The following ICE1 variants were observed in gnomAD, a reference collection of about 807,000 sequenced individuals.
ICE1 encodes the protein little elongation complex subunit 1.
Under a neutral mutation model 192.7 loss-of-function variants are expected in ICE1, and 64 were observed. The ratio of observed to expected loss-of-function variants is 0.33; its 90% CI spans 0.27 to 0.41. The LOEUF (loss-of-function observed/expected upper bound fraction) is 0.41. ICE1 is among the 10% of genes least tolerant of loss of function. The pLI is 1.00. For synonymous variants in ICE1, 1,010 were observed against 984.5 expected (o/e 1.03, Z -0.49); for missense variants, 2,708 against 2,696.0 (o/e 1.00, Z -0.10).
chr5:5,461,934 C>T lies in ICE1; in HGVS notation c.2600C>T (p.Pro867Leu), dbSNP rs1738799011. 1.9e-6 allele frequency: 3 copies of T among 1,613,764 alleles called. No individual in the cohort carries two copies. Among genetic ancestry groups the T allele is most frequent in the African/African-American group, 2.7e-5 (2 of 74,926 alleles). The part of the protein sequence containing the change: ...QVSVITKQTR[P>L]EKVQSAKLEH... ...TCAGTTATCACAAAACAGACAAGAC[C>T]TGAAAAGGTTCAGAGTGCCAAATTG... The change falls in exon 13 of 19, where the codon CCT (proline) becomes CTT (leucine). Residue 867 changes from proline (P) to leucine (L), a missense_variant. By Grantham distance (98) the Pro-to-Leu change is moderately conservative. Coordinates refer to ENST00000296564, the MANE Select transcript of ICE1 (RefSeq NM_015325.3).
chr5:5,477,148 T>G (rs1436043367), intron 17 of ICE1, among the ~76,000 whole-genome samples: 1 of 152,116 alleles, frequency 6.6e-6, no homozygotes, highest in African/African-American at 2.4e-5. Flanking sequence ...AATCTATTAA[T>G]TAGAAAGATC....
rs1466027024 is a variant in ICE1, at chr5:5,490,215, C to T, written c.*885C>T. 6.6e-6 allele frequency: 1 copy of T among 152,044 alleles called. No individual in the cohort carries two copies. The highest frequency in any genetic ancestry group is 1.5e-5 in the Non-Finnish European group (1 of 68,002). 9.4% of individuals were successfully genotyped at this position (152,044 alleles called of 1,614,324 possible). The stretch of plus-strand genomic sequence containing the variant: ...TTTATAATAAAAAATAAAAGTAAGC[C>T]ATGGATATTACTGTTCTGATTATTA... On this transcript the variant is annotated 3_prime_UTR_variant, in exon 19 of 19. Coordinates refer to ENST00000296564, the MANE Select transcript of ICE1 (RefSeq NM_015325.3).
At chr5:5,423,418 C>T (rs908479449) in intron 1 of ICE1, among the ~76,000 whole-genome samples, 2 of 139,648 alleles carry the variant, frequency 1.4e-5, no homozygotes, top group African/African-American at 2.8e-5. Flanking sequence ...TGTTTGGAGG[C>T]AGAATCTTAC....
At chr5:5,447,026 G>T (rs547155816) in intron 7 of ICE1, among the ~76,000 whole-genome samples, 1 of 152,080 alleles carries the variant, frequency 6.6e-6, no homozygotes, top group African/African-American at 2.4e-5. Flanking sequence ...TGAGAAAATC[G>T]CCTCTCCCCT....
chr5:5,460,513 A>C lies in ICE1; in HGVS notation c.1179A>C (p.Ser393=). ...TTAGAAATTCTGCTGAGTGTGTTTC[A>C]GAAGATGATACAACTGAATCACAGA... ...VQLRNSAECV[S]EDDTTESQNY... The change falls in exon 13 of 19, where the codon TCA becomes TCC. Residue 393 remains serine (S), a synonymous_variant. Coordinates refer to ENST00000296564, the MANE Select transcript of ICE1 (RefSeq NM_015325.3). 1 of 1,612,054 alleles carries C rather than the reference A, an allele frequency of 6.2e-7. No homozygotes were observed. Among genetic ancestry groups the C allele is most frequent in the Non-Finnish European group, 8.5e-7 (1 of 1,178,872 alleles).
At chr5:5,471,710 T>C (rs1344678407) in intron 15 of ICE1, among the ~76,000 whole-genome samples, 2 of 152,200 alleles carry the variant, frequency 1.3e-5, no homozygotes, top group South Asian at 2.1e-4. Flanking sequence ...AGGAAACTTA[T>C]TAAATATGAT....
At position 5,464,797 on chromosome 5, in the gene ICE1, G is replaced by A. The variant is rs1561092362; in HGVS notation, c.5463G>A (p.Lys1821=). 4 of 1,613,782 alleles carry A rather than the reference G, an allele frequency of 2.5e-6. No homozygotes were observed. Among genetic ancestry groups the A allele is most frequent in the Admixed American group, 1.7e-5 (1 of 60,012 alleles). ...CTGGTGGTGACTGTAACCAAGACAA[G>A]TCAAGAGATTTGGGGACTCAGCAGG... is the stretch of plus-strand genomic sequence containing the variant. ...SSSGGDCNQD[K]SRDLGTQQDS... The change falls in exon 13 of 19, where the codon AAG becomes AAA. Residue 1821 remains lysine, a synonymous_variant. Transcript: ENST00000296564. This position sits in a 1 kb window ranked among gnomAD's most constrained non-coding sequence, Gnocchi z 4.0.
rs761587213 is a variant in ICE1 at position 5,463,996 on chromosome 5, T to G, written c.4662T>G (p.Asn1554Lys). ...TAGAGCCATCTGGCAAAAATAAGAA[T>G]CGATCAAAGATTTCAAACAAAGATC... ...SKLEPSGKNK[N>K]RSKISNKDQS... The change falls in exon 13 of 19, where the codon AAT becomes AAG. Residue 1554 changes from asparagine (N) to lysine (K), a missense_variant. This residue lies in a region of ICE1 where 2,366 missense variants were observed against 2,276.6 expected (regional missense o/e 1.04). Coordinates refer to ENST00000296564, the MANE Select transcript of ICE1 (RefSeq NM_015325.3). The G allele has an allele frequency of 6.2e-7, 1 of 1,613,668 alleles. No individual in the cohort carries two copies. Among genetic ancestry groups the G allele is most frequent in the Non-Finnish European group, 8.5e-7 (1 of 1,179,796 alleles).
chr5:5,441,172 G>A lies in ICE1; in HGVS notation c.258G>A (p.Gln86=). Residue 86 remains glutamine, a synonymous_variant, in exon 5 of 19, where the codon CAG becomes CAA. Coordinates refer to ENST00000296564, the MANE Select transcript of ICE1 (RefSeq NM_015325.3). ...TGCTTCAAAAAATTTCTCCTCTACAGAAATGTCAGGAAGAACTGGGATCTT... is the reference window on the plus strand; with the variant it reads ...TGCTTCAAAAAATTTCTCCTCTACAAAAATGTCAGGAAGAACTGGGATCTT... The part of the protein sequence containing the change: ...EEMLQKISPL[Q]KCQEELGSLK... 6.4e-7 allele frequency: 1 copy of A among 1,564,998 alleles called. No homozygotes were observed. Among genetic ancestry groups the A allele is most frequent in the Non-Finnish European group, 8.7e-7 (1 of 1,153,568 alleles).
At chr5:5,472,451 TA>T (rs1486496689) in intron 15 of ICE1, among the ~76,000 whole-genome samples, 1 of 152,182 alleles carries the variant, frequency 6.6e-6, no homozygotes, top group East Asian at 1.9e-4. Flanking sequence ...CTGCCAAATG[TA>T]AAATAGGTAC....
intron 1 of ICE1, among the ~76,000 whole-genome samples, chr5:5,426,521 A>G (rs1375707495): frequency 6.6e-6 from 1 of 152,026 alleles, no homozygotes; most frequent in Non-Finnish European, 1.5e-5. Flanking sequence ...ATGTTCTGTC[A>G]CTTAAAGGAA....
chr5:5,431,765 A>G (rs1737717439), intron 1 of ICE1, among the ~76,000 whole-genome samples: 1 of 152,122 alleles, frequency 6.6e-6, no homozygotes, highest in African/African-American at 2.4e-5. Context: ...ATCCTATTGA[A>G]GTCCATATTC....
chr5:5,477,705 T>A (rs968398748), intron 17 of ICE1, among the ~76,000 whole-genome samples: 1 of 151,992 alleles, frequency 6.6e-6, no homozygotes, highest in Non-Finnish European at 1.5e-5. Context: ...GGCCAACGTC[T>A]CCAGTGAACA....
chr5:5,452,505 A>G (rs148860956), intron 10 of ICE1, among the ~76,000 whole-genome samples: 6 of 152,258 alleles, frequency 3.9e-5, no homozygotes, highest in African/African-American at 1.4e-4. Flanking sequence ...AAACTGAAAC[A>G]TTCCTTAAAA....
chr5:5,468,521 A>C (rs1739058635), intron 14 of ICE1, among the ~76,000 whole-genome samples: 1 of 152,274 alleles, frequency 6.6e-6, no homozygotes, highest in Non-Finnish European at 1.5e-5. Flanking sequence ...GTGTTCAATG[A>C]GTAAATGTAA....
intron 18 of ICE1, among the ~76,000 whole-genome samples, chr5:5,487,736 C>G (rs146599052): frequency 6.6e-6 from 1 of 152,330 alleles, no homozygotes; most frequent in African/African-American, 2.4e-5. Context: ...GCAGTTTACT[C>G]TGATACTACA....
chr5:5,455,408 G>A lies in ICE1; in HGVS notation c.691+770G>A, dbSNP rs182841098. 1.5e-3 allele frequency among the ~76,000 whole-genome samples: 227 copies of A among 152,238 alleles called. 1 individual carries two copies. Among genetic ancestry groups the A allele is most frequent in the Non-Finnish European group, 2.8e-3 (188 of 68,010 alleles). On this transcript the variant is annotated intron_variant, in intron 11 of 18. Transcript: ENST00000296564. ...CATTGGTATTAACCACATGGTGCCC[G>A]CAACTCTTAAATTAGTCACCTCAGT...
At chr5:5,479,328 C>G (rs968062572) in intron 17 of ICE1, among the ~76,000 whole-genome samples, 4 of 152,038 alleles carry the variant, frequency 2.6e-5, no homozygotes, top group African/African-American at 9.7e-5. Flanking sequence ...ATGCGGCCAA[C>G]AAACATGAAA....
intron 12 of ICE1, among the ~76,000 whole-genome samples, chr5:5,458,979 TCTC>T (rs1300575049): frequency 6.6e-6 from 1 of 152,068 alleles, no homozygotes; most frequent in Non-Finnish European, 1.5e-5. Flanking sequence ...TTCACGCCAT[TCTC>T]CTGCTTCAGC....
Sources: gnomAD v4.1 joint callset for allele counts (sites outside exome capture counted in the v4.1 genomes callset) on GRCh38, gnomAD v4.1.1 for gene constraint, gnomAD v4.1.1 regional missense constraint, Gnocchi (gnomAD v3.1) non-coding constraint, MANE v1.5 for transcripts, NCBI Gene and HGNC (gene_info 2026-07-23, HGNC 2026-07-21) for gene names.